TGFB1: variants seen among roughly 807,000 people sequenced by gnomAD.
The protein encoded by TGFB1 is transforming growth factor beta 1, also known as transforming growth factor beta-1 proprotein.
Under a neutral mutation model 43.8 loss-of-function variants are expected in TGFB1, and 19 were observed. The ratio of observed to expected loss-of-function variants is 0.43; its 90% CI spans 0.30 to 0.64. TGFB1 has a LOEUF of 0.64. Ranked by LOEUF, TGFB1 falls within the 30% of genes least tolerant of loss-of-function variation. The probability of loss-of-function intolerance (pLI) is 0.11; values close to 1 mark genes in which losing one functional copy is unlikely to be tolerated. For missense variants in TGFB1, 445 were observed against 529.8 expected (o/e 0.84, Z 1.57); for synonymous variants, 221 against 236.3 (o/e 0.94, Z 0.60).
chr19:41,344,407 G>T (rs2038092449), intron 3 of TGFB1, among the ~76,000 whole-genome samples: 1 of 152,010 alleles, frequency 6.6e-6, no homozygotes, highest in Non-Finnish European at 1.5e-5. Flanking sequence ...CCTCCTTTGG[G>T]CTCCCCATCC....
chr19:41,342,420 A>G (rs1220809815), intron 3 of TGFB1, among the ~76,000 whole-genome samples, 173 bp from the exon 4 acceptor site: 1 of 124,052 alleles, frequency 8.1e-6, no homozygotes, highest in African/African-American at 3.2e-5. Flanking sequence ...TTTTGAGACA[A>G]GGTCTCGCAG....
chr19:41,349,141 C>T (rs1256423463), intron 1 of TGFB1, among the ~76,000 whole-genome samples: 1 of 152,170 alleles, frequency 6.6e-6, no homozygotes, highest in African/African-American at 2.4e-5. Flanking sequence ...GGATCAAAGG[C>T]ACAGGCTTTG....
Position 41,347,948 on chromosome 19 carries a change from A to G in TGFB1, c.516+347T>C, listed in dbSNP as rs188718572. ...GGAGATCGAGACCATCCTGGCCAAC[A>G]TGGTAAAACCCCATCTCTACCAAAA... On this transcript the variant is annotated intron_variant, in intron 2 of 6. Transcript: ENST00000221930. Among the ~76,000 whole-genome samples the G allele has an allele frequency of 2.0e-5, 3 of 151,460 alleles. No individual in the cohort carries two copies. In the East Asian group the frequency reaches 5.8e-4, roughly 29 times the overall value.
At chr19:41,341,558 C>T (rs989006885) in intron 5 of TGFB1, among the ~76,000 whole-genome samples, 13 of 148,178 alleles carry the variant, frequency 8.8e-5, no homozygotes, top group Admixed American at 1.4e-4. Context: ...GGATTATAGG[C>T]GCCCACCACG....
chr19:41,331,726 C>G (rs1009061867), intron 6 of TGFB1, among the ~76,000 whole-genome samples: 2 of 151,768 alleles, frequency 1.3e-5, no homozygotes, highest in African/African-American at 4.8e-5. Flanking sequence ...TTTTCTTTCT[C>G]AGTCTCTGTC....
At chr19:41,338,633 G>A (rs982696081) in intron 5 of TGFB1, among the ~76,000 whole-genome samples, 1 of 151,996 alleles carries the variant, frequency 6.6e-6, no homozygotes, top group African/African-American at 2.4e-5. Flanking sequence ...GACCTCAGGA[G>A]TTCAAGACCA....
chr19:41,344,718 C>A (rs199637461), intron 3 of TGFB1, 29 bp downstream of exon 3: 25 of 1,602,276 alleles, frequency 1.6e-5, no homozygotes, highest in Non-Finnish European at 2.1e-5. Flanking sequence ...CAGGGAGAAA[C>A]AGGGGTGGGA....
Position 41,342,261 on chromosome 19 carries a change from G to T in TGFB1, c.635-14C>A. 6.3e-7 allele frequency: 1 copy of T among 1,582,744 alleles called. No individual in the cohort carries two copies. ...CCTCAATTTCCCCTGTAGGAGTGGC[G>T]AGAGGGAAGCCAGTCTGAGAGTGCA... On this transcript the variant is annotated splice_polypyrimidine_tract_variant and intron_variant, in intron 3 of 6. Transcript: ENST00000221930.
chr19:41,345,187 A>G (rs1375899714), intron 2 of TGFB1, among the ~76,000 whole-genome samples: 1 of 152,172 alleles, frequency 6.6e-6, no homozygotes, highest in East Asian at 1.9e-4. Context: ...ACAGCCCACA[A>G]TGCTAAAATT....
intron 1 of TGFB1, among the ~76,000 whole-genome samples, chr19:41,348,688 A>T (rs1055192716): frequency 1.3e-5 from 2 of 151,058 alleles, no homozygotes; most frequent in Admixed American, 6.6e-5. Context: ...CAGTGGCGCA[A>T]TCTCTGCTCA....
At chr19:41,331,384 C>A (rs1024611770) in intron 6 of TGFB1, among the ~76,000 whole-genome samples, 174 bp from the exon 7 acceptor site, 2 of 151,980 alleles carry the variant, frequency 1.3e-5, no homozygotes, top group Non-Finnish European at 2.9e-5. Flanking sequence ...CTATCTTATT[C>A]TGTCTCTCCC....
chr19:41,351,841 C>T (rs1599897271), intron 1 of TGFB1, among the ~76,000 whole-genome samples: 1 of 150,168 alleles, frequency 6.7e-6, no homozygotes, highest in African/African-American at 2.5e-5. Context: ...TCCTCCTCCC[C>T]GCTCACACCA....
At position 41,330,960 on chromosome 19, in the gene TGFB1, G is replaced by C. The variant is rs2037921937; in HGVS notation, c.*92C>G. On this transcript the variant is annotated 3_prime_UTR_variant, in exon 7 of 7. Transcript: ENST00000221930. ...GGCCCCAGGTGGGCTTGGGGCACGGGTGTCCTTAAATACAGCCCCCATGGG... is the reference window on the plus strand; with the variant it reads ...GGCCCCAGGTGGGCTTGGGGCACGGCTGTCCTTAAATACAGCCCCCATGGG... 1 of 1,229,704 alleles carries C rather than the reference G, an allele frequency of 8.1e-7. No individual in the cohort carries two copies. Among genetic ancestry groups the C allele is most frequent in the African/African-American group, 1.6e-5 (1 of 61,564 alleles). 76.2% of individuals were successfully genotyped at this position (1,229,704 alleles called of 1,614,324 possible).
chr19:41,332,095 A>G (rs756569909), intron 6 of TGFB1, 33 bp downstream of exon 6: 1 of 1,600,016 alleles, frequency 6.2e-7, no homozygotes. Flanking sequence ...GCTCCCCCCA[A>G]GCGCATCTCG....
At chr19:41,350,722 A>C (rs1015770693) in intron 1 of TGFB1, 5 of 152,344 alleles carry the variant, frequency 3.3e-5, no homozygotes, top group Admixed American at 3.3e-4. Flanking sequence ...GTGTGAAAAG[A>C]GACTGGTGAG....
rs891552896 is a variant in TGFB1, at chr19:41,348,684, C to T, written c.356-229G>A. On this transcript the variant is annotated intron_variant, in intron 1 of 6. Coordinates refer to ENST00000221930, the MANE Select transcript of TGFB1 (RefSeq NM_000660.7). ...GTCACCCAGGCTTGGAGTGCAGTGGCGCAATCTCTGCTCACTGCAACCTCC... is the reference window on the plus strand; with the variant it reads ...GTCACCCAGGCTTGGAGTGCAGTGGTGCAATCTCTGCTCACTGCAACCTCC... 9.3e-5 allele frequency among the ~76,000 whole-genome samples: 14 copies of T among 150,098 alleles called. No homozygotes were observed. In the South Asian group the frequency reaches 2.1e-3, roughly 23 times the overall value.
At chr19:41,341,818 C>A in intron 5 of TGFB1, 65 bp downstream of exon 5, 1 of 1,607,320 alleles carries the variant, frequency 6.2e-7, no homozygotes, top group Non-Finnish European at 8.5e-7. Flanking sequence ...ACCTGGAGCA[C>A]CTGGTCAGCA....
chr19:41,338,530 A>G (rs556886262), intron 5 of TGFB1, among the ~76,000 whole-genome samples: 74 of 150,830 alleles, frequency 4.9e-4, no homozygotes, highest in African/African-American at 1.7e-3. Flanking sequence ...GACATAATAC[A>G]TAAAACATGC....
At chr19:41,333,202 T>C (rs577531221) in intron 5 of TGFB1, among the ~76,000 whole-genome samples, 3 of 142,694 alleles carry the variant, frequency 2.1e-5, no homozygotes, top group Admixed American at 1.5e-4. Flanking sequence ...TTCTTCTTTT[T>C]TTTTCTATTT....
Sources: allele counts gnomAD v4.1 joint callset (sites outside exome capture counted in the v4.1 genomes callset), GRCh38; gene constraint gnomAD v4.1.1; transcripts MANE v1.5; gene names NCBI Gene and HGNC (gene_info 2026-07-23, HGNC 2026-07-21).